The following STXBP5 variants were observed in gnomAD, a reference collection of about 807,000 sequenced individuals.
STXBP5 encodes the protein syntaxin-binding protein 5.
In STXBP5, 50 loss-of-function variants were observed where a neutral mutation model predicts 152.4. The observed-to-expected ratio is 0.33, with a 90% CI of 0.26 to 0.42. The LOEUF (loss-of-function observed/expected upper bound fraction) is 0.42, where lower values mean the gene tolerates loss of function less well. Among genes scored for constraint, STXBP5 ranks in the 10% least tolerant of loss-of-function variants. The pLI is 1.00. For missense variants in STXBP5, 1,167 were observed against 1,388.6 expected, an observed-to-expected ratio of 0.84 and a Z score of 2.54; for synonymous variants, 492 against 494.7, an observed-to-expected ratio of 0.99 and a Z score of 0.07.
intron 19 of STXBP5, among the ~76,000 whole-genome samples, chr6:147,338,731 A>AATGTATAGTTTTAAACTAT (rs1554217083): frequency 2.7e-5 from 4 of 150,308 alleles, no homozygotes; most frequent in African/African-American, 9.8e-5. Context: ...TAGTAGAATG[A>AATGTATAGTTTTAAACTAT]ATATATAGTT....
intron 3 of STXBP5, among the ~76,000 whole-genome samples, chr6:147,238,711 C>T (rs1200470631): frequency 1.3e-5 from 2 of 152,052 alleles, no homozygotes; most frequent in Non-Finnish European, 2.9e-5. Context: ...GTTTATTTTC[C>T]GTACCATTCT....
intron 26 of STXBP5, among the ~76,000 whole-genome samples, chr6:147,374,112 A>T (rs915455780): frequency 2.6e-5 from 4 of 152,196 alleles, no homozygotes; most frequent in Non-Finnish European, 5.9e-5. Flanking sequence ...GGAAGTACTT[A>T]CTTTATGTTA....
At chr6:147,344,415 T>C (rs1416178256) in intron 21 of STXBP5, among the ~76,000 whole-genome samples, 2 of 152,240 alleles carry the variant, frequency 1.3e-5, no homozygotes, top group Non-Finnish European at 2.9e-5. Flanking sequence ...GCAATTTATG[T>C]TCTGTCATTA....
intron 6 of STXBP5, among the ~76,000 whole-genome samples, chr6:147,263,592 G>A (rs1212167634): frequency 1.3e-5 from 2 of 151,770 alleles, no homozygotes; most frequent in Non-Finnish European, 2.9e-5. Flanking sequence ...TATAGCCCTA[G>A]ATTTCCTTAT....
At chr6:147,321,431 T>G (rs1562485679) in intron 16 of STXBP5, among the ~76,000 whole-genome samples, 2 of 151,946 alleles carry the variant, frequency 1.3e-5, no homozygotes, top group Non-Finnish European at 2.9e-5. Flanking sequence ...TACAATAAAG[T>G]TTTTTAAAAA....
chr6:147,362,650 G>A (rs1785116510), intron 23 of STXBP5, among the ~76,000 whole-genome samples: 6 of 152,012 alleles, frequency 3.9e-5, no homozygotes. Flanking sequence ...GATCAGTATT[G>A]TCTATTAGAG....
chr6:147,363,826 T>C (rs1312637227), intron 24 of STXBP5, 122 bp downstream of exon 24: 39 of 1,429,416 alleles, frequency 2.7e-5, no homozygotes, highest in Non-Finnish European at 3.5e-5. Flanking sequence ...GAATTTATTT[T>C]TATTCTGTTA....
chr6:147,240,177 A>G (rs1778472970), intron 4 of STXBP5, among the ~76,000 whole-genome samples: 1 of 152,012 alleles, frequency 6.6e-6, no homozygotes, highest in Non-Finnish European at 1.5e-5. Context: ...CCTGACCTCA[A>G]GTGATCTGCC....
chr6:147,237,511 C>T (rs1283593727), intron 3 of STXBP5, among the ~76,000 whole-genome samples: 2 of 152,162 alleles, frequency 1.3e-5, no homozygotes, highest in African/African-American at 4.8e-5. Context: ...AAGATGACAT[C>T]GCCTGATATT....
chr6:147,349,138 A>G (rs1358793455), intron 21 of STXBP5, among the ~76,000 whole-genome samples: 2 of 152,140 alleles, frequency 1.3e-5, no homozygotes, highest in East Asian at 3.8e-4. Flanking sequence ...GAGGATACAT[A>G]TTTACATTCA....
chr6:147,361,803 G>A (rs1044826190), intron 23 of STXBP5, among the ~76,000 whole-genome samples: 3 of 152,184 alleles, frequency 2.0e-5, no homozygotes, highest in Non-Finnish European at 1.5e-5. Flanking sequence ...CTTTAAAGGC[G>A]GAAGGACTCT....
At chr6:147,271,792 A>G (rs1780184556) in intron 7 of STXBP5, among the ~76,000 whole-genome samples, 1 of 152,156 alleles carries the variant, frequency 6.6e-6, no homozygotes, top group Admixed American at 6.5e-5. Context: ...GAAATCAATG[A>G]AATAGCTAAC....
At chr6:147,352,925 G>A (rs1784654251) in intron 21 of STXBP5, among the ~76,000 whole-genome samples, 1 of 152,146 alleles carries the variant, frequency 6.6e-6, no homozygotes, top group Non-Finnish European at 1.5e-5. Context: ...AGCACTTTGG[G>A]AGGCCAAGGC....
intron 2 of STXBP5, among the ~76,000 whole-genome samples, chr6:147,214,395 G>A (rs964002095): frequency 6.6e-6 from 1 of 151,400 alleles, no homozygotes; most frequent in African/African-American, 2.4e-5. Context: ...TTTTTCTTTT[G>A]GCCATGAGTG....
chr6:147,327,139 A>G lies in STXBP5; in HGVS notation c.1943A>G (p.Asn648Ser). Residue 648 changes from asparagine to serine, a missense_variant, in exon 18 of 28, where the codon AAT becomes AGT. By Grantham distance (46) the Asn-to-Ser change is conservative (BLOSUM62 1). Coordinates refer to ENST00000321680, the MANE Select transcript of STXBP5 (RefSeq NM_001127715.4). ...NSSYGLVVFG[N>S]CNGIAMVDYL... The stretch of plus-strand genomic sequence containing the variant: ...CCTATTCCCAGGGTGGTTTTTGGCA[A>G]TTGCAATGGCATTGCTATGGTTGAC... The G allele has an allele frequency of 6.2e-7, 1 of 1,604,672 alleles. No individual in the cohort carries two copies. The highest frequency in any genetic ancestry group is 1.3e-5 in the African/African-American group (1 of 74,396).
chr6:147,232,013 T>C (rs955723696), intron 2 of STXBP5, among the ~76,000 whole-genome samples: 5 of 151,896 alleles, frequency 3.3e-5, no homozygotes, highest in Non-Finnish European at 7.4e-5. Context: ...TAATACATTG[T>C]CTTAAATAAT....
At chr6:147,351,427 T>TA (rs1443141107) in intron 21 of STXBP5, among the ~76,000 whole-genome samples, 4 of 152,230 alleles carry the variant, frequency 2.6e-5, no homozygotes, top group Non-Finnish European at 5.9e-5. Flanking sequence ...ATTGTATAGA[T>TA]ACTACTTATC....
chr6:147,302,919 A>G (rs1358794784), intron 9 of STXBP5, among the ~76,000 whole-genome samples: 1 of 152,176 alleles, frequency 6.6e-6, no homozygotes, highest in Admixed American at 6.5e-5. Context: ...AGGAGTGAGT[A>G]TGCTTTCCTT....
rs1782607419 is a variant in STXBP5, at chr6:147,315,700, T to C, written c.1588T>C (p.Phe530Leu). ...GVSAHVIIYRFSKQEVITEVI... is the reference protein window; with the variant it reads ...GVSAHVIIYRLSKQEVITEVI... ...TTCAGCTCATGTCATTATTTATAGATTCAGCAAGCAGGAAGTAATCACAGA... is the reference window on the plus strand; with the variant it reads ...TTCAGCTCATGTCATTATTTATAGACTCAGCAAGCAGGAAGTAATCACAGA... The change falls in exon 15 of 28, where the codon TTC becomes CTC. Residue 530 changes from phenylalanine (F) to leucine (L), a missense_variant. Phe to Leu is a conservative substitution (Grantham distance 22). This residue lies in a region of STXBP5 where 833 missense variants were observed against 986.3 expected (regional missense o/e 0.84). Transcript: ENST00000321680. 1 of 1,613,720 alleles carries C rather than the reference T, an allele frequency of 6.2e-7. No individual in the cohort carries two copies. Among genetic ancestry groups the C allele is most frequent in the Non-Finnish European group, 8.5e-7 (1 of 1,179,750 alleles).
Sources: allele counts gnomAD v4.1 joint callset (sites outside exome capture counted in the v4.1 genomes callset), GRCh38; gene constraint gnomAD v4.1.1; regional missense constraint gnomAD v4.1.1; transcripts MANE v1.5; gene names NCBI Gene and HGNC (gene_info 2026-07-23, HGNC 2026-07-21).